Variants in SLC8A1 observed in about 807,000 individuals in gnomAD.
SLC8A1 encodes the protein sodium/calcium exchanger 1.
In SLC8A1, 18 loss-of-function variants were observed where a neutral mutation model predicts 68.3. The ratio of observed to expected loss-of-function variants is 0.26; its 90% CI spans 0.18 to 0.39. The LOEUF is 0.39. Among genes scored for constraint, SLC8A1 ranks in the 10% least tolerant of loss-of-function variants. The pLI is 1.00. For missense variants in SLC8A1, 985 were observed against 1,156.7 expected, an observed-to-expected ratio of 0.85 and a Z score of 2.15; for synonymous variants, 475 against 415.5, an observed-to-expected ratio of 1.14 and a Z score of -1.74.
At chr2:40,488,056 A>T (rs1705083262) in intron 1 of SLC8A1, among the ~76,000 whole-genome samples, 2 of 152,122 alleles carry the variant, frequency 1.3e-5, no homozygotes, top group Non-Finnish European at 2.9e-5. Context: ...TAACTTTCAG[A>T]TAGAAATGAG....
chr2:40,357,207 T>C (rs985602410), intron 2 of SLC8A1, among the ~76,000 whole-genome samples: 23 of 152,276 alleles, frequency 1.5e-4, no homozygotes, highest in Admixed American at 1.4e-3. Flanking sequence ...CCTTAAAGAA[T>C]GTAAACAGGT....
chr2:40,106,793 C>G (rs948972465), exon 8 of SLC8A1: 1 of 152,154 alleles, frequency 6.6e-6, no homozygotes, highest in Non-Finnish European at 1.5e-5. Flanking sequence ...AGAAATAAAA[C>G]AAAGTCTTTC....
At chr2:40,344,109 G>A (rs777011561) in intron 2 of SLC8A1, among the ~76,000 whole-genome samples, 2 of 152,148 alleles carry the variant, frequency 1.3e-5, no homozygotes, top group African/African-American at 4.8e-5. Context: ...GAAAATAAGT[G>A]AGGCCATAGA....
chr2:40,409,670 A>C (rs762814459), intron 2 of SLC8A1, among the ~76,000 whole-genome samples: 1 of 152,176 alleles, frequency 6.6e-6, no homozygotes, highest in Non-Finnish European at 1.5e-5. Flanking sequence ...GAAAGGAATA[A>C]GAGCAATAGC....
At chr2:40,158,250 T>A (rs1185999702) in intron 6 of SLC8A1, among the ~76,000 whole-genome samples, 1 of 152,200 alleles carries the variant, frequency 6.6e-6, no homozygotes, top group East Asian at 1.9e-4. Flanking sequence ...TTTACAAATT[T>A]TATTGCCTGT....
intron 2 of SLC8A1, among the ~76,000 whole-genome samples, chr2:40,253,030 CATATGTATCAGT>C (rs1203753765): frequency 1.7e-5 from 2 of 120,480 alleles, no homozygotes; most frequent in Non-Finnish European, 3.6e-5. Context: ...TATGTATATA[CATATGTATCAGT>C]ATATGTATAT....
chr2:40,206,791 A>G (rs2055537202), intron 2 of SLC8A1, among the ~76,000 whole-genome samples: 1 of 151,986 alleles, frequency 6.6e-6, no homozygotes, highest in South Asian at 2.1e-4. Flanking sequence ...CTGAACCAGG[A>G]CTCAAAAACA....
At chr2:40,411,543 A>G (rs956346784) in intron 2 of SLC8A1, among the ~76,000 whole-genome samples, 5 of 152,042 alleles carry the variant, frequency 3.3e-5, no homozygotes, top group African/African-American at 1.2e-4. Flanking sequence ...TGCTTTCTCA[A>G]AAATGTTTAC....
chr2:40,189,414 A>G (rs894051357), intron 2 of SLC8A1, among the ~76,000 whole-genome samples: 3 of 152,138 alleles, frequency 2.0e-5, no homozygotes, highest in Admixed American at 6.6e-5. Flanking sequence ...TCTGCCTCTC[A>G]GGTTCAAGTG....
exon 8 of SLC8A1, chr2:40,104,274 A>T (rs2034067768): frequency 6.6e-6 from 1 of 152,180 alleles, no homozygotes; most frequent in South Asian, 2.1e-4. Flanking sequence ...GAGTTAAGAA[A>T]ATCCAGTGAT....
intron 2 of SLC8A1, among the ~76,000 whole-genome samples, chr2:40,371,349 A>C (rs542249903): frequency 1.3e-5 from 2 of 152,200 alleles, no homozygotes; most frequent in East Asian, 3.9e-4. Flanking sequence ...TTTAGGTAAG[A>C]AGGGGGAGAA....
chr2:40,332,765 A>G (rs2076547595), intron 2 of SLC8A1, among the ~76,000 whole-genome samples: 1 of 152,220 alleles, frequency 6.6e-6, no homozygotes, highest in South Asian at 2.1e-4. Context: ...ATCCAGCTGA[A>G]TCATTTTAAT....
intron 1 of SLC8A1, among the ~76,000 whole-genome samples, chr2:40,449,122 G>T (rs1701968078): frequency 6.9e-6 from 1 of 145,856 alleles, no homozygotes; most frequent in South Asian, 2.2e-4. Flanking sequence ...CACAAAGAAA[G>T]AACTTGTCTC....
chr2:40,394,510 G>T (rs951149393), intron 2 of SLC8A1, among the ~76,000 whole-genome samples: 1 of 151,866 alleles, frequency 6.6e-6, no homozygotes, highest in African/African-American at 2.4e-5. Flanking sequence ...GCAAGCAAAT[G>T]GCAGATTTGG....
At chr2:40,137,863 G>A (rs1449009409) in intron 7 of SLC8A1, among the ~76,000 whole-genome samples, 3 of 152,066 alleles carry the variant, frequency 2.0e-5, no homozygotes, top group Non-Finnish European at 4.4e-5. Context: ...CCAGAAGCAT[G>A]TGGAGTCTTT....
intron 1 of SLC8A1, among the ~76,000 whole-genome samples, chr2:40,433,410 C>T (rs1159809894): frequency 1.3e-5 from 2 of 152,290 alleles, no homozygotes; most frequent in East Asian, 1.9e-4. Flanking sequence ...CAAATTATAA[C>T]CAATTTCCTG....
intron 2 of SLC8A1, among the ~76,000 whole-genome samples, chr2:40,309,099 T>G (rs888447965): frequency 3.3e-5 from 5 of 152,174 alleles, no homozygotes; most frequent in African/African-American, 1.2e-4. Context: ...AAATCCAACC[T>G]GTTTTGTTAT....
chr2:40,495,731 A>G (rs1032441775), intron 1 of SLC8A1, among the ~76,000 whole-genome samples: 13 of 152,112 alleles, frequency 8.5e-5, no homozygotes, highest in Admixed American at 2.6e-4. Flanking sequence ...GAGAAGATCA[A>G]TGACTGAATT....
intron 1 of SLC8A1, among the ~76,000 whole-genome samples, chr2:40,486,920 T>A (rs1705005883): frequency 7.7e-6 from 1 of 129,914 alleles, no homozygotes. Flanking sequence ...AAACCATCAC[T>A]CTGAGCAAAC....
Sources: gnomAD v4.1 joint callset for allele counts (sites outside exome capture counted in the v4.1 genomes callset) on GRCh38, gnomAD v4.1.1 for gene constraint, MANE v1.5 for transcripts, NCBI Gene and HGNC (gene_info 2026-07-23, HGNC 2026-07-21) for gene names.